The following NUP107 variants were observed in gnomAD, a reference collection of about 807,000 sequenced individuals.
NUP107 encodes nuclear pore complex protein Nup107.
Under a neutral mutation model 141.0 loss-of-function variants are expected in NUP107, and 101 were observed. The observed-to-expected ratio is 0.72, with a 90% CI of 0.61 to 0.84. The LOEUF is 0.84. Among genes scored for constraint, NUP107 ranks in the 40% least tolerant of loss-of-function variants. The pLI is 0.00. For synonymous variants in NUP107, 319 were observed against 363.9 expected, an observed-to-expected ratio of 0.88 and a Z score of 1.41; for missense variants, 941 against 1,102.7, an observed-to-expected ratio of 0.85 and a Z score of 2.08.
intron 26 of NUP107, among the ~76,000 whole-genome samples, chr12:68,741,161 A>T (rs185370390): frequency 4.4e-4 from 67 of 152,128 alleles, no homozygotes; most frequent in Middle Eastern, 6.8e-3. Flanking sequence ...TGGGCATAAG[A>T]GGTTTACTCT....
intron 20 of NUP107, among the ~76,000 whole-genome samples, chr12:68,730,152 G>T (rs947636318): frequency 2.0e-5 from 3 of 147,178 alleles, no homozygotes; most frequent in African/African-American, 5.0e-5. Flanking sequence ...TTTTTGTAGA[G>T]ACTGGGTCTC....
intron 26 of NUP107, among the ~76,000 whole-genome samples, chr12:68,738,593 C>T (rs866007598): frequency 9.2e-5 from 14 of 152,330 alleles, no homozygotes; most frequent in African/African-American, 3.1e-4. Flanking sequence ...CAAGGCACGG[C>T]TGTACACAAT....
chr12:68,739,309 A>G (rs1166057242), intron 26 of NUP107, among the ~76,000 whole-genome samples: 8 of 152,126 alleles, frequency 5.3e-5, no homozygotes, highest in Non-Finnish European at 1.2e-4. Flanking sequence ...TTGTATGTCT[A>G]CCCTCATTAG....
At chr12:68,742,285 A>G (rs1878351248) in intron 27 of NUP107, 70 bp from the exon 28 acceptor site, 2 of 976,034 alleles carry the variant, frequency 2.0e-6, no homozygotes, top group Non-Finnish European at 1.6e-6. Context: ...AATCAGATCG[A>G]TTAGGTAACT....
chr12:68,733,102 A>G (rs1877911028), intron 23 of NUP107, among the ~76,000 whole-genome samples: 1 of 152,290 alleles, frequency 6.6e-6, no homozygotes, highest in East Asian at 1.9e-4. Context: ...CTCTTTATCT[A>G]TCAAACCTGG....
chr12:68,693,112 C>T (rs1307077983), intron 5 of NUP107, among the ~76,000 whole-genome samples: 2 of 150,598 alleles, frequency 1.3e-5, no homozygotes, highest in African/African-American at 4.9e-5. Context: ...GAGTCTCACT[C>T]TGTTGCCCAG....
chr12:68,689,396 T>C (rs752104696), intron 2 of NUP107, 137 bp from the exon 3 acceptor site: 97 of 592,804 alleles, frequency 1.6e-4, no homozygotes, highest in Non-Finnish European at 1.8e-4. Flanking sequence ...ATTTACCCTT[T>C]GCATTGAAAA....
chr12:68,738,856 A>G (rs1878196667), intron 26 of NUP107, among the ~76,000 whole-genome samples: 1 of 152,204 alleles, frequency 6.6e-6, no homozygotes, highest in Non-Finnish European at 1.5e-5. Context: ...CCCTTTCAGA[A>G]TAAAATACAT....
At chr12:68,688,472 A>G (rs1303172989) in intron 1 of NUP107, among the ~76,000 whole-genome samples, 1 of 152,182 alleles carries the variant, frequency 6.6e-6, no homozygotes, top group African/African-American at 2.4e-5. Flanking sequence ...TTACCCTTCT[A>G]TCTCACAAGC....
At chr12:68,706,654 G>A (rs1876596741) in intron 8 of NUP107, 5 of 722,492 alleles carry the variant, frequency 6.9e-6, no homozygotes, top group Middle Eastern at 3.6e-4. Flanking sequence ...GAGCAGCATG[G>A]GGAGCTGGCA....
At chr12:68,714,585 T>C (rs1451055706) in intron 11 of NUP107, among the ~76,000 whole-genome samples, 1 of 152,242 alleles carries the variant, frequency 6.6e-6, no homozygotes, top group Non-Finnish European at 1.5e-5. Flanking sequence ...TGAATTGATA[T>C]TCATATTACC....
intron 26 of NUP107, among the ~76,000 whole-genome samples, chr12:68,737,310 C>T (rs1415630912): frequency 6.6e-6 from 1 of 151,892 alleles, no homozygotes; most frequent in Admixed American, 6.6e-5. Context: ...CACGCCTGTA[C>T]TCCTAGCACT....
chr12:68,739,209 A>C (rs1170349555), intron 26 of NUP107, among the ~76,000 whole-genome samples: 1 of 152,182 alleles, frequency 6.6e-6, no homozygotes, highest in Admixed American at 6.5e-5. Context: ...ACACACACAC[A>C]CCTGTCCCTT....
intron 17 of NUP107, among the ~76,000 whole-genome samples, chr12:68,723,422 A>ATAGG (rs1877433463): frequency 2.0e-5 from 3 of 152,038 alleles, no homozygotes; most frequent in South Asian, 2.1e-4. Flanking sequence ...GAAAAATTAA[A>ATAGG]TAGGTAGGTA....
chr12:68,728,006 G>A (rs796435282), intron 20 of NUP107, among the ~76,000 whole-genome samples: 35 of 152,204 alleles, frequency 2.3e-4, no homozygotes, highest in African/African-American at 7.7e-4. Context: ...TAAGGGGCTC[G>A]GCGAGGTGGC....
At chr12:68,711,744 G>A (rs1876869561) in intron 10 of NUP107, among the ~76,000 whole-genome samples, 3 of 152,260 alleles carry the variant, frequency 2.0e-5, no homozygotes, top group Admixed American at 6.5e-5. Context: ...GAAGCCAGTG[G>A]GAACACAGCA....
chr12:68,702,596 A>G (rs1444485282), intron 7 of NUP107, 140 bp from the exon 8 acceptor site: 3 of 579,060 alleles, frequency 5.2e-6, no homozygotes, highest in Non-Finnish European at 9.1e-6. Context: ...AAAAATACAG[A>G]TATACATATT....
At chr12:68,711,128 G>A (rs1303811543) in intron 10 of NUP107, among the ~76,000 whole-genome samples, 2 of 152,002 alleles carry the variant, frequency 1.3e-5, no homozygotes, top group African/African-American at 2.4e-5. Flanking sequence ...GGTGGCGGGC[G>A]GATCACGAAG....
At chr12:68,741,690 A>G (rs1311988127) in intron 26 of NUP107, 123 bp from the exon 27 acceptor site, 2 of 748,538 alleles carry the variant, frequency 2.7e-6, no homozygotes, top group African/African-American at 3.5e-5. Flanking sequence ...TCATCTTCAT[A>G]CTTTTTTGCT....
Sources: allele counts gnomAD v4.1 joint callset (sites outside exome capture counted in the v4.1 genomes callset), GRCh38; gene constraint gnomAD v4.1.1; transcripts MANE v1.5; gene names NCBI Gene and HGNC (gene_info 2026-07-23, HGNC 2026-07-21).